Variants in NTRK2 observed in about 807,000 individuals in gnomAD.
The protein encoded by NTRK2 is neurotrophic receptor tyrosine kinase 2.
A neutral mutation model predicts 94.5 loss-of-function variants in NTRK2; 13 were observed. The observed-to-expected ratio is 0.14, with a 90% CI of 0.09 to 0.22. NTRK2 has a LOEUF of 0.22. Among genes scored for constraint, NTRK2 ranks in the 10% least tolerant of loss-of-function variants. The pLI, the probability that NTRK2 is intolerant of heterozygous loss-of-function variation, is 1.00. For synonymous variants in NTRK2, 372 were observed against 407.4 expected (o/e 0.91, Z 1.05); for missense variants, 639 against 1,071.2 (o/e 0.60, Z 5.63).
intron 12 of NTRK2, among the ~76,000 whole-genome samples, chr9:84,838,074 C>T (rs1009795626): frequency 1.3e-5 from 2 of 151,904 alleles, no homozygotes; most frequent in Non-Finnish European, 2.9e-5. Context: ...ATTACAAATC[C>T]AATAATAAAA....
At chr9:84,813,020 C>T in intron 12 of NTRK2, 1 of 1,036,344 alleles carries the variant, frequency 9.6e-7, no homozygotes, top group Non-Finnish European at 1.2e-6. Context: ...TAGACCACCC[C>T]TTTTCATCAT....
chr9:84,694,501 A>G (rs1375905242), intron 2 of NTRK2, among the ~76,000 whole-genome samples: 2 of 152,064 alleles, frequency 1.3e-5, no homozygotes, highest in East Asian at 3.9e-4. Flanking sequence ...TGGGGTGCAT[A>G]CCCCCTCAAG....
chr9:84,924,232 A>AAAGAAAGAAAGAAAGG (rs1318583899), intron 14 of NTRK2, among the ~76,000 whole-genome samples: 46 of 34,096 alleles, frequency 1.3e-3, no homozygotes, highest in African/African-American at 4.9e-3. Context: ...AAGAAAGTAG[A>AAAGAAAGAAAGAAAGG]AAGAAAGAAA....
Position 85,026,139 on chromosome 9 carries a change from AAT to A in NTRK2, c.*4717_*4718del, listed in dbSNP as rs1554790210. ...AAACACAAAGCAAAGCAAAAAAAAAAATATATATATATATATCTGTATATGTG... is the reference window on the plus strand; with the variant it reads ...AAACACAAAGCAAAGCAAAAAAAAAAATATATATATATATCTGTATATGTG... On this transcript the variant is annotated 3_prime_UTR_variant, in exon 19 of 19. Transcript: ENST00000277120. 227 of 197,236 alleles carry A rather than the reference AAT, an allele frequency of 1.2e-3. No individual in the cohort carries two copies. The highest frequency in any genetic ancestry group is 1.6e-3 in the Non-Finnish European group (158 of 97,114). 12.2% of individuals were successfully genotyped at this position (197,236 alleles called of 1,614,324 possible). A position where few individuals can be genotyped will look rare whatever the true frequency, so the allele number is the denominator to read the frequency against.
At chr9:84,815,642 A>T (rs201441402) in intron 12 of NTRK2, 24 of 989,096 alleles carry the variant, frequency 2.4e-5, no homozygotes, top group Non-Finnish European at 2.9e-5. Flanking sequence ...ATGTAGATAG[A>T]TCATAAATGT....
intron 12 of NTRK2, among the ~76,000 whole-genome samples, chr9:84,832,239 A>G (rs1277740130): frequency 6.6e-6 from 1 of 152,234 alleles, no homozygotes; most frequent in East Asian, 1.9e-4. Context: ...TTAATTCAAT[A>G]CACAAGCAAT....
rs59077068 is a variant in NTRK2 at position 84,770,194 on chromosome 9, A to AC, written c.1396+18109_1396+18110insC. Among the ~76,000 whole-genome samples the AC allele has an allele frequency of 3.6e-3, 541 of 150,748 alleles. 4 individuals carry two copies. Among genetic ancestry groups the AC allele is most frequent in the African/African-American group, 0.01 (410 of 40,790 alleles). On this transcript the variant is annotated intron_variant, in intron 12 of 18. Coordinates refer to ENST00000277120, the MANE Select transcript of NTRK2 (RefSeq NM_006180.6). ...CACACACACACACACACACACACAC[A>AC]AACACACAGCTGGAAGCAGCTGGGA...
At chr9:84,813,221 A>T (rs2072009935) in intron 12 of NTRK2, 1 of 1,051,614 alleles carries the variant, frequency 9.5e-7, no homozygotes. Context: ...GTGTGAGCCG[A>T]TGCCTGCCCT....
intron 12 of NTRK2, among the ~76,000 whole-genome samples, chr9:84,779,303 C>T (rs2067340166): frequency 6.6e-6 from 1 of 152,026 alleles, no homozygotes; most frequent in African/African-American, 2.4e-5. Context: ...ATAAAACACA[C>T]CCACGTCCAA....
intron 17 of NTRK2, among the ~76,000 whole-genome samples, chr9:84,956,833 T>A (rs1824194113): frequency 8.3e-6 from 1 of 120,888 alleles, no homozygotes; most frequent in African/African-American, 3.2e-5. Context: ...TTATTCTTCA[T>A]TTGACTGTTT....
intron 14 of NTRK2, among the ~76,000 whole-genome samples, chr9:84,902,748 T>A (rs1274349068): frequency 6.6e-6 from 1 of 152,180 alleles, no homozygotes; most frequent in Non-Finnish European, 1.5e-5. Flanking sequence ...GCTTTCTATG[T>A]GATAACAGAG....
chr9:84,701,698 T>G (rs1453680586), intron 2 of NTRK2, among the ~76,000 whole-genome samples: 2 of 152,060 alleles, frequency 1.3e-5, no homozygotes, highest in Non-Finnish European at 2.9e-5. Context: ...AAAACGCACC[T>G]TAGTATTTTA....
At chr9:84,908,345 C>T (rs574263965) in intron 14 of NTRK2, among the ~76,000 whole-genome samples, 1 of 152,116 alleles carries the variant, frequency 6.6e-6, no homozygotes, top group Admixed American at 6.5e-5. Context: ...AATAAAAGTC[C>T]TTTATGCCTT....
intron 17 of NTRK2, among the ~76,000 whole-genome samples, chr9:85,016,492 T>C (rs1312459931): frequency 1.3e-5 from 2 of 152,160 alleles, no homozygotes; most frequent in Non-Finnish European, 2.9e-5. Context: ...TGGGATCACA[T>C]TCCATCTCAC....
chr9:84,890,045 C>T (rs181545543), intron 14 of NTRK2, among the ~76,000 whole-genome samples: 1 of 152,340 alleles, frequency 6.6e-6, no homozygotes, highest in Admixed American at 6.5e-5. Context: ...ACTTTGCTTA[C>T]ATGAGTAAAA....
chr9:84,988,091 A>G (rs1277644830), intron 17 of NTRK2, among the ~76,000 whole-genome samples: 1 of 152,198 alleles, frequency 6.6e-6, no homozygotes, highest in African/African-American at 2.4e-5. Flanking sequence ...AATGCTAGAC[A>G]CCCTTGTGGG....
intron 5 of NTRK2, among the ~76,000 whole-genome samples, chr9:84,708,434 A>T (rs983167871): frequency 3.4e-5 from 5 of 146,106 alleles, no homozygotes; most frequent in Non-Finnish European, 6.0e-5. Flanking sequence ...CTGTTATTGC[A>T]TTCAATATTT....
chr9:84,820,552 G>C (rs570196829), intron 12 of NTRK2, among the ~76,000 whole-genome samples: 1 of 152,036 alleles, frequency 6.6e-6, no homozygotes, highest in Admixed American at 6.6e-5. Flanking sequence ...TGTATTTTAC[G>C]CATTCATGAC....
chr9:84,795,472 A>G (rs528772889), intron 12 of NTRK2, among the ~76,000 whole-genome samples: 10 of 152,234 alleles, frequency 6.6e-5, no homozygotes, highest in African/African-American at 1.9e-4. Context: ...GTCCCTGCAC[A>G]TGCTGGTGCA....
Sources: gnomAD v4.1 joint callset for allele counts (sites outside exome capture counted in the v4.1 genomes callset) on GRCh38, gnomAD v4.1.1 for gene constraint, MANE v1.5 for transcripts, NCBI Gene and HGNC (gene_info 2026-07-23, HGNC 2026-07-21) for gene names.